Variants in CDKL5 observed in about 807,000 individuals in gnomAD.
CDKL5 encodes the protein cyclin dependent kinase like 5.
A neutral mutation model predicts 61.7 loss-of-function variants in CDKL5; 8 were observed. The ratio of observed to expected loss-of-function variants is 0.13; its 90% CI spans 0.08 to 0.23. CDKL5 has a LOEUF of 0.23. Among genes scored for constraint, CDKL5 ranks in the 10% least tolerant of loss-of-function variants. CDKL5 has a pLI of 1.00. For missense variants in CDKL5, 440 were observed against 734.5 expected, an observed-to-expected ratio of 0.60 and a Z score of 4.63; for synonymous variants, 275 against 272.3, an observed-to-expected ratio of 1.01 and a Z score of -0.10.
intron 3 of CDKL5, among the ~76,000 whole-genome samples, chrX:18,547,108 C>T (rs955075354): frequency 3.6e-5 from 4 of 111,925 alleles, no homozygotes; most frequent in African/African-American, 1.3e-4. Flanking sequence ...TTTGTATTCC[C>T]AGTGCCTGTT....
intron 15 of CDKL5, among the ~76,000 whole-genome samples, chrX:18,618,354 C>T (rs1385672678): frequency 9.0e-6 from 1 of 111,674 alleles, no homozygotes; most frequent in Non-Finnish European, 1.9e-5. Flanking sequence ...ATTCTTTAAC[C>T]TCTAGAAGTT....
intron 1 of CDKL5, among the ~76,000 whole-genome samples, chrX:18,484,464 T>A (rs1353072294): frequency 1.9e-5 from 2 of 107,615 alleles, no homozygotes; most frequent in African/African-American, 6.8e-5. Context: ...ATTATAGGAG[T>A]GTACCACCAT....
At chrX:18,502,385 C>T (rs1198441636) in intron 1 of CDKL5, among the ~76,000 whole-genome samples, 1 of 111,635 alleles carries the variant, frequency 9.0e-6, no homozygotes, top group Non-Finnish European at 1.9e-5. Flanking sequence ...TCAGAATAAT[C>T]CTTAAAAAAT....
At chrX:18,595,291 C>T (rs1033797273) in intron 9 of CDKL5, 57 bp from the exon 10 acceptor site, 26 of 810,122 alleles carry the variant, frequency 3.2e-5, no homozygotes, top group Middle Eastern at 2.7e-4. Context: ...CTCACAAGCA[C>T]GTGCACACAC....
chrX:18,642,832 G>A (rs1927633863), downstream of CDKL5, among the ~76,000 whole-genome samples: 1 of 110,919 alleles, frequency 9.0e-6, no homozygotes, highest in African/African-American at 3.3e-5. Context: ...TTGAGGTCAG[G>A]AGTTTGAGAC....
At chrX:18,549,303 A>G (rs1924304794) in intron 3 of CDKL5, among the ~76,000 whole-genome samples, 1 of 111,996 alleles carries the variant, frequency 8.9e-6, no homozygotes, top group Non-Finnish European at 1.9e-5. Context: ...TACTGAAACA[A>G]TTGGTCATAA....
At chrX:18,564,414 C>T (rs1924896147) in intron 3 of CDKL5, 63 bp from the exon 4 acceptor site, 2 of 786,688 alleles carry the variant, frequency 2.5e-6, no homozygotes, top group African/African-American at 2.1e-5. Flanking sequence ...CCCCAGGCAA[C>T]TGGAATCCCC....
At chrX:18,510,396 C>G (rs1160451018) in intron 2 of CDKL5, among the ~76,000 whole-genome samples, 1 of 112,240 alleles carries the variant, frequency 8.9e-6, no homozygotes, top group Non-Finnish European at 1.9e-5. Flanking sequence ...CTCAGGTGAT[C>G]TGCCAGCCTC....
chrX:18,440,369 A>T (rs1931709949), intron 1 of CDKL5, among the ~76,000 whole-genome samples: 1 of 112,226 alleles, frequency 8.9e-6, no homozygotes, highest in Non-Finnish European at 1.9e-5. Context: ...TTATCATGAG[A>T]TCACAGCAAT....
intron 1 of CDKL5, among the ~76,000 whole-genome samples, chrX:18,430,776 T>G (rs986691143): frequency 4.5e-5 from 5 of 111,683 alleles, no homozygotes; most frequent in African/African-American, 1.6e-4. Context: ...GGTTGGACTC[T>G]GAAAATTTTT....
At chrX:18,554,794 G>A (rs754063180) in intron 3 of CDKL5, among the ~76,000 whole-genome samples, 1 of 111,824 alleles carries the variant, frequency 8.9e-6, no homozygotes, top group Non-Finnish European at 1.9e-5. Flanking sequence ...AAAAATGAGT[G>A]TAGACATTTT....
chrX:18,484,549 C>T (rs923134290), intron 1 of CDKL5, among the ~76,000 whole-genome samples: 1 of 110,308 alleles, frequency 9.1e-6, no homozygotes, highest in East Asian at 2.8e-4. Context: ...AATTCCTGAC[C>T]TCAAGTGATC....
chrX:18,432,879 A>G (rs910765072), intron 1 of CDKL5, among the ~76,000 whole-genome samples: 1 of 112,208 alleles, frequency 8.9e-6, no homozygotes, highest in Non-Finnish European at 1.9e-5. Context: ...CTCCCAAAGT[A>G]CTGGGATTAC....
At chrX:18,479,323 T>C in intron 1 of CDKL5, among the ~76,000 whole-genome samples, 1 of 93,885 alleles carries the variant, frequency 1.1e-5, no homozygotes, top group East Asian at 3.3e-4. Context: ...TCTTTTTTTT[T>C]TTTTTTTTTT....
At chrX:18,490,636 A>G (rs1921962932) in intron 1 of CDKL5, among the ~76,000 whole-genome samples, 1 of 111,532 alleles carries the variant, frequency 9.0e-6, no homozygotes, top group African/African-American at 3.3e-5. Flanking sequence ...TCTTTGAGGG[A>G]AAGAATCTAT....
chrX:18,581,968 T>G lies in CDKL5; in HGVS notation c.463+18T>G. On this transcript the variant is annotated intron_variant, in intron 7 of 17. Transcript: ENST00000623535. ...TGACTTTGGTAAGTTAAAAAGAAAT[T>G]AAGTCCTGGTACTTACAGAATTAAT... 9.4e-7 allele frequency: 1 copy of G among 1,065,777 alleles called. No individual in the cohort carries two copies. Among genetic ancestry groups the G allele is most frequent in the Non-Finnish European group, 1.3e-6 (1 of 764,088 alleles). 87.8% of individuals were successfully genotyped at this position (1,065,777 alleles called of 1,213,427 possible).
intron 2 of CDKL5, among the ~76,000 whole-genome samples, chrX:18,509,245 A>ACACC (rs796171313): frequency 0.012 from 1,102 of 95,347 alleles, 33 homozygotes; most frequent in Admixed American, 0.043. Flanking sequence ...ACACACACAC[A>ACACC]CCCCTGTCAA....
In CDKL5 at chrX:18,631,376, T is replaced by A; in HGVS notation, c.*2619T>A. The A allele has an allele frequency of 1.3e-6, 1 of 754,650 alleles. No individual in the cohort carries two copies. Among genetic ancestry groups the A allele is most frequent in the Non-Finnish European group, 1.6e-6 (1 of 639,449 alleles). The allele number at this position is 754,650 out of a possible 1,213,427, so 62.2% of individuals were successfully genotyped here. ...GACTTTTCATCCAATAAGCTGTAAG[T>A]GAACTACAATCTGCATTTCCAGCAT... On this transcript the variant is annotated 3_prime_UTR_variant, in exon 18 of 18. Coordinates refer to ENST00000623535, the MANE Select transcript of CDKL5 (RefSeq NM_001323289.2).
chrX:18,623,390 C>T (rs1367952681), intron 16 of CDKL5, among the ~76,000 whole-genome samples: 1 of 111,791 alleles, frequency 8.9e-6, no homozygotes, highest in Admixed American at 9.5e-5. Flanking sequence ...TGTTTTCAGG[C>T]TTAAAAGTTG....
Sources: allele counts gnomAD v4.1 joint callset (sites outside exome capture counted in the v4.1 genomes callset), GRCh38; gene constraint gnomAD v4.1.1; transcripts MANE v1.5; gene names NCBI Gene and HGNC (gene_info 2026-07-23, HGNC 2026-07-21).